Variants in KLHDC1 observed in about 807,000 individuals in gnomAD.
KLHDC1 encodes kelch domain containing 1, also known as kelch domain-containing protein 1.
Under a neutral mutation model 68.3 loss-of-function variants are expected in KLHDC1, and 53 were observed. The observed-to-expected ratio is 0.78, with a 90% CI of 0.62 to 0.98. The LOEUF (loss-of-function observed/expected upper bound fraction) is 0.98, where lower values mean the gene tolerates loss of function less well. Ranked by LOEUF, KLHDC1 falls within the 50% of genes least tolerant of loss-of-function variation. The probability of loss-of-function intolerance (pLI) is 0.00; values close to 1 mark genes in which losing one functional copy is unlikely to be tolerated. For synonymous variants in KLHDC1, 148 were observed against 159.0 expected, an observed-to-expected ratio of 0.93 and a Z score of 0.52; for missense variants, 470 against 492.3, an observed-to-expected ratio of 0.95 and a Z score of 0.43.
At chr14:49,730,321 A>C (rs1411705248) in intron 8 of KLHDC1, among the ~76,000 whole-genome samples, 1 of 148,144 alleles carries the variant, frequency 6.8e-6, no homozygotes, top group Non-Finnish European at 1.5e-5. Flanking sequence ...TCCCAGGTTC[A>C]AGCAATTCTC....
At chr14:49,715,398 G>T (rs1019622613) in intron 4 of KLHDC1, among the ~76,000 whole-genome samples, 1 of 151,422 alleles carries the variant, frequency 6.6e-6, no homozygotes, top group African/African-American at 2.4e-5. Flanking sequence ...TGGGATTACA[G>T]ATGTGAGCCA....
chr14:49,724,588 A>G (rs937752615), intron 5 of KLHDC1, among the ~76,000 whole-genome samples: 1 of 151,852 alleles, frequency 6.6e-6, no homozygotes, highest in African/African-American at 2.4e-5. Flanking sequence ...TTTCATGTAT[A>G]TTGCTTTGTA....
chr14:49,740,217 G>A (rs1889027423), intron 11 of KLHDC1, 35 bp downstream of exon 11: 1 of 1,304,092 alleles, frequency 7.7e-7, no homozygotes, highest in Non-Finnish European at 1.1e-6. Flanking sequence ...TTTCCTCTGA[G>A]TAGTTGTGTT....
At chr14:49,715,357 A>C (rs892819855) in intron 4 of KLHDC1, among the ~76,000 whole-genome samples, 1 of 151,534 alleles carries the variant, frequency 6.6e-6, no homozygotes, top group Non-Finnish European at 1.5e-5. Flanking sequence ...TCTTGACCTC[A>C]TGATCTGACC....
chr14:49,735,628 A>G (rs1888914079), intron 10 of KLHDC1, among the ~76,000 whole-genome samples: 1 of 151,838 alleles, frequency 6.6e-6, no homozygotes, highest in Non-Finnish European at 1.5e-5. Context: ...TTTAATGTAA[A>G]GAGTTTTGTA....
chr14:49,742,625 A>C (rs1889090674), intron 11 of KLHDC1, among the ~76,000 whole-genome samples: 2 of 149,116 alleles, frequency 1.3e-5, no homozygotes, highest in African/African-American at 5.0e-5. Context: ...GTGAGCCGAG[A>C]TCGCACCACC....
At chr14:49,736,434 A>G (rs1298338677) in intron 10 of KLHDC1, among the ~76,000 whole-genome samples, 1 of 152,212 alleles carries the variant, frequency 6.6e-6, no homozygotes, top group African/African-American at 2.4e-5. Flanking sequence ...TTCTTCGATG[A>G]TGAAATGGCC....
intron 11 of KLHDC1, 85 bp from the exon 12 acceptor site, chr14:49,743,668 C>T (rs1355207433): frequency 2.5e-6 from 2 of 809,136 alleles, no homozygotes; most frequent in South Asian, 1.6e-5. Flanking sequence ...ATATCTTTTA[C>T]ATTTATAAAA....
chr14:49,713,868 C>T (rs1426410406), intron 4 of KLHDC1, among the ~76,000 whole-genome samples: 78 of 29,470 alleles, frequency 2.6e-3, no homozygotes, highest in Non-Finnish European at 3.4e-3. Context: ...TTTTTTTTTT[C>T]CTGAGACAGA....
chr14:49,709,629 A>G, intron 2 of KLHDC1, 80 bp from the exon 3 acceptor site: 2 of 686,988 alleles, frequency 2.9e-6, no homozygotes, highest in South Asian at 4.9e-5. Flanking sequence ...TTTCACTGAC[A>G]AAAGTACTCA....
At chr14:49,746,067 T>C (rs1292781054) in intron 12 of KLHDC1, among the ~76,000 whole-genome samples, 1 of 151,718 alleles carries the variant, frequency 6.6e-6, no homozygotes, top group East Asian at 1.9e-4. Context: ...GGAAGGGAGA[T>C]GGAGATATTT....
At chr14:49,713,102 A>G (rs11845257) in intron 4 of KLHDC1, among the ~76,000 whole-genome samples, 5,485 of 150,830 alleles carry the variant, frequency 0.036, 334 homozygotes, top group African/African-American at 0.13. Flanking sequence ...GGCTCCCGCC[A>G]CCACACCCGG....
chr14:49,710,439 G>A, intron 4 of KLHDC1, 58 bp downstream of exon 4: 2 of 899,708 alleles, frequency 2.2e-6, no homozygotes, highest in Non-Finnish European at 3.6e-6. Context: ...TAATAGCTTT[G>A]GCTAAAATAC....
At chr14:49,700,107 A>C (rs1594646788) in intron 1 of KLHDC1, 1 of 296,510 alleles carries the variant, frequency 3.4e-6, no homozygotes, top group South Asian at 2.6e-5. Context: ...GCTCACTGCA[A>C]CCTCCGCCTC....
At position 49,695,971 on chromosome 14, in the gene KLHDC1, C is replaced by T. The variant is rs892672295; in HGVS notation, c.96+2681C>T. Among the ~76,000 whole-genome samples the T allele has an allele frequency of 2.0e-5, 3 of 150,482 alleles. No individual in the cohort carries two copies. The Admixed American group carries it at 2.0e-4, about 10-fold the overall frequency. On this transcript the variant is annotated intron_variant, in intron 1 of 12. Transcript: ENST00000359332. ...GTCTCAGCTACTGGGGAGGCTGAGGCAGGAGAATGGCGAGAACCCAGGAGG... is the reference window on the plus strand; with the variant it reads ...GTCTCAGCTACTGGGGAGGCTGAGGTAGGAGAATGGCGAGAACCCAGGAGG...
chr14:49,721,163 C>T (rs1034518916), intron 4 of KLHDC1, among the ~76,000 whole-genome samples: 5 of 151,696 alleles, frequency 3.3e-5, no homozygotes, highest in African/African-American at 1.2e-4. Flanking sequence ...TTTTTTGTGC[C>T]TTTTGTGTAT....
At chr14:49,702,359 A>C (rs565295245) in intron 1 of KLHDC1, among the ~76,000 whole-genome samples, 6 of 152,192 alleles carry the variant, frequency 3.9e-5, no homozygotes, top group Admixed American at 3.9e-4. Flanking sequence ...TTACTAGTAC[A>C]CTGGTAATAA....
intron 1 of KLHDC1, among the ~76,000 whole-genome samples, chr14:49,695,081 C>T (rs1887695209): frequency 6.6e-6 from 1 of 151,048 alleles, no homozygotes; most frequent in Non-Finnish European, 1.5e-5. Flanking sequence ...CTTCCTTTCA[C>T]AAAATATTTC....
intron 1 of KLHDC1, among the ~76,000 whole-genome samples, chr14:49,697,357 A>G (rs1331834464): frequency 6.6e-6 from 1 of 152,238 alleles, no homozygotes; most frequent in Non-Finnish European, 1.5e-5. Flanking sequence ...TAAGTTCACC[A>G]TCCTATACGG....
Sources: allele counts gnomAD v4.1 joint callset (sites outside exome capture counted in the v4.1 genomes callset), GRCh38; gene constraint gnomAD v4.1.1; transcripts MANE v1.5; gene names NCBI Gene and HGNC (gene_info 2026-07-23, HGNC 2026-07-21).